RPS4Y1: variants seen among roughly 807,000 people sequenced by gnomAD.
The protein encoded by RPS4Y1 is ribosomal protein S4 Y-linked 1.
For synonymous variants in RPS4Y1, 23 were observed against 20.8 expected (o/e 1.10, Z -0.28); for missense variants, 30 against 60.9 (o/e 0.49, Z 1.69).
chrY:2,855,520 G>T (rs2051159310), intron 5 of RPS4Y1, among the ~76,000 whole-genome samples: 2 of 33,603 alleles, frequency 6.0e-5, no homozygotes, highest in African/African-American at 2.3e-4. Flanking sequence ...ACCTAGGCTG[G>T]CTGTCTTGAG....
chrY:2,866,928 C>A lies in RPS4Y1; in HGVS notation c.*34C>A. On this transcript the variant is annotated 3_prime_UTR_variant, in exon 7 of 7. Coordinates refer to ENST00000250784, the MANE Select transcript of RPS4Y1 (RefSeq NM_001008.4). ...AGCAGCATATCTTTTTTTCTTTGCA[C>A]AAATAAACAGTGAATTCTCGTTTCT... The A allele has an allele frequency of 3.7e-6, 1 of 273,309 alleles. No homozygotes were observed. Among genetic ancestry groups the A allele is most frequent in the Non-Finnish European group, 5.8e-6 (1 of 171,285 alleles). The allele number at this position is 273,309 out of a possible 400,897, so 68.2% of individuals were successfully genotyped here. A position where few individuals can be genotyped will look rare whatever the true frequency, so the allele number is the denominator to read the frequency against.
intron 5 of RPS4Y1, 32 bp downstream of exon 5, chrY:2,854,803 C>T: frequency 3.4e-6 from 1 of 298,397 alleles, no homozygotes; most frequent in African/African-American, 7.0e-5. Flanking sequence ...TGTTGTCTGC[C>T]ACCTCCCTCT....
chrY:2,848,977 A>G, intron 4 of RPS4Y1, among the ~76,000 whole-genome samples: 1 of 31,542 alleles, frequency 3.2e-5, no homozygotes, highest in Non-Finnish European at 7.7e-5. Flanking sequence ...TGAGTCTCTG[A>G]AGCCCGTTAT....
chrY:2,846,904 T>C, intron 4 of RPS4Y1, among the ~76,000 whole-genome samples: 1 of 33,631 alleles, frequency 3.0e-5, no homozygotes, highest in Non-Finnish European at 7.4e-5. Flanking sequence ...GGAGTGTTGT[T>C]AATACCTAGT....
intron 5 of RPS4Y1, among the ~76,000 whole-genome samples, 198 bp from the exon 6 acceptor site, chrY:2,864,890 G>A (rs751890537): frequency 5.9e-5 from 2 of 33,816 alleles, no homozygotes; most frequent in South Asian, 1.3e-3. Flanking sequence ...TCAGGGGCCT[G>A]CCTTTAAATG....
intron 5 of RPS4Y1, among the ~76,000 whole-genome samples, chrY:2,864,568 A>G: frequency 3.0e-5 from 1 of 33,482 alleles, no homozygotes; most frequent in East Asian, 7.9e-4. Flanking sequence ...TGTCCCGCAA[A>G]AATAACTCTA....
At chrY:2,858,267 A>G (rs2051161294) in intron 5 of RPS4Y1, among the ~76,000 whole-genome samples, 1 of 33,116 alleles carries the variant, frequency 3.0e-5, no homozygotes, top group Non-Finnish European at 7.4e-5. Context: ...GTGGAGTTGT[A>G]GGACATCTTT....
At position 2,845,751 on chromosome Y, in the gene RPS4Y1, G is replaced by A; in HGVS notation, c.360+8G>A. ...ACAGTGGAAGAGGCAAAGGTATGTTGCACAAGTCAAGTGAGCTTTGTAATT... is the reference window on the plus strand; with the variant it reads ...ACAGTGGAAGAGGCAAAGGTATGTTACACAAGTCAAGTGAGCTTTGTAATT... On this transcript the variant is annotated splice_region_variant and intron_variant, in intron 4 of 6. Coordinates refer to ENST00000250784, the MANE Select transcript of RPS4Y1 (RefSeq NM_001008.4). 2.7e-6 allele frequency: 1 copy of A among 376,518 alleles called. No homozygotes were observed. The highest frequency in any genetic ancestry group is 6.3e-4 in the Middle Eastern group (1 of 1,598). The allele number at this position is 376,518 out of a possible 400,897, so 93.9% of individuals were successfully genotyped here.
At chrY:2,853,376 G>C in intron 4 of RPS4Y1, among the ~76,000 whole-genome samples, 1 of 33,716 alleles carries the variant, frequency 3.0e-5, no homozygotes, top group Non-Finnish European at 7.3e-5. Context: ...TCAGAGGACT[G>C]TACTCAGTTT....
intron 3 of RPS4Y1, among the ~76,000 whole-genome samples, chrY:2,845,193 T>C (rs2051151785): frequency 3.2e-5 from 1 of 30,783 alleles, no homozygotes; most frequent in Admixed American, 3.0e-4. Flanking sequence ...AAATCCTGAG[T>C]GAGGCAGGAC....
At chrY:2,843,227 ATTG>A (rs2051150410) in intron 2 of RPS4Y1, among the ~76,000 whole-genome samples, 3 of 33,296 alleles carry the variant, frequency 9.0e-5, no homozygotes, top group African/African-American at 3.5e-4. Flanking sequence ...TGTTTTCTCT[ATTG>A]TTAAGTGGAT....
chrY:2,842,836 C>T, intron 2 of RPS4Y1, among the ~76,000 whole-genome samples: 2 of 33,072 alleles, frequency 6.0e-5, no homozygotes, highest in African/African-American at 2.4e-4. Context: ...TGTGGTCACA[C>T]TAGGAGAGAG....
chrY:2,862,129 C>T (rs1603309216), intron 5 of RPS4Y1, among the ~76,000 whole-genome samples: 6 of 29,779 alleles, frequency 2.0e-4, no homozygotes, highest in African/African-American at 4.0e-4. Context: ...TTTCGGCTCA[C>T]GGCAACCCCT....
chrY:2,854,622 A>G lies in RPS4Y1; in HGVS notation c.383A>G (p.Lys128Arg). The change falls in exon 5 of 7, where the codon AAG becomes AGG. Residue 128 changes from lysine (K) to arginine (R), a missense_variant. Lys to Arg is a conservative substitution (Grantham distance 26, BLOSUM62 2). Coordinates refer to ENST00000250784, the MANE Select transcript of RPS4Y1 (RefSeq NM_001008.4). ...TAGTACAAGTTGTGCAAAGTGAGGA[A>G]GATTACTGTGGGAGTGAAGGGAATC... ...EAKYKLCKVR[K>R]ITVGVKGIPH... 3 of 396,949 alleles carry G rather than the reference A, an allele frequency of 7.6e-6. No homozygotes were observed. Among genetic ancestry groups the G allele is most frequent in the Non-Finnish European group, 1.1e-5 (3 of 281,835 alleles).
At chrY:2,857,069 AATT>A (rs2051160416) in intron 5 of RPS4Y1, among the ~76,000 whole-genome samples, 4 of 32,725 alleles carry the variant, frequency 1.2e-4, no homozygotes, top group African/African-American at 4.8e-4. Flanking sequence ...ATGCTTAAAT[AATT>A]TTTAATTGTG....
intron 4 of RPS4Y1, among the ~76,000 whole-genome samples, chrY:2,851,885 T>A: frequency 1.5e-4 from 5 of 33,637 alleles, no homozygotes. Context: ...TGGGGATGTT[T>A]ATACCTGATT....
At chrY:2,865,063 C>G (rs372701533) in intron 5 of RPS4Y1, 25 bp from the exon 6 acceptor site, 31 of 381,276 alleles carry the variant, frequency 8.1e-5, no homozygotes, top group Non-Finnish European at 1.1e-4. Context: ...TGACTCCTCT[C>G]CTGTTTATTT....
Position 2,866,989 on chromosome Y carries a change from G to A in RPS4Y1, c.*95G>A. 1.1e-5 allele frequency: 2 copies of A among 190,461 alleles called. No individual in the cohort carries two copies. Among genetic ancestry groups the A allele is most frequent in the Non-Finnish European group, 1.9e-5 (2 of 103,902 alleles). The allele number at this position is 190,461 out of a possible 400,897, so 47.5% of individuals were successfully genotyped here. ...TTTCCCCCTTGTGGATAATAGTAGGGTTTGAATTTGCTCATGATTTTGGCA... is the reference window on the plus strand; with the variant it reads ...TTTCCCCCTTGTGGATAATAGTAGGATTTGAATTTGCTCATGATTTTGGCA... On this transcript the variant is annotated 3_prime_UTR_variant, in exon 7 of 7. Coordinates refer to ENST00000250784, the MANE Select transcript of RPS4Y1 (RefSeq NM_001008.4).
intron 5 of RPS4Y1, among the ~76,000 whole-genome samples, chrY:2,857,000 A>G: frequency 2.7e-4 from 9 of 33,258 alleles, no homozygotes; most frequent in African/African-American, 1.1e-3. Flanking sequence ...CCTAGTAACA[A>G]GAAACCCACT....
Sources: gnomAD v4.1 joint callset for allele counts (sites outside exome capture counted in the v4.1 genomes callset) on GRCh38, gnomAD v4.1.1 for gene constraint, MANE v1.5 for transcripts, NCBI Gene and HGNC (gene_info 2026-07-23, HGNC 2026-07-21) for gene names.